The following GALNT11 variants were observed in gnomAD, a reference collection of about 807,000 sequenced individuals.
GALNT11 encodes the protein UDP-GalNAc:polypeptide N-acetylgalactosaminyltransferase 11.
A neutral mutation model predicts 72.7 loss-of-function variants in GALNT11; 47 were observed. The ratio of observed to expected loss-of-function variants is 0.65; its 90% CI spans 0.51 to 0.82. The LOEUF is 0.82. Ranked by LOEUF, GALNT11 falls within the 40% of genes least tolerant of loss-of-function variation. The pLI is 0.00. For synonymous variants in GALNT11, 270 were observed against 286.6 expected, an observed-to-expected ratio of 0.94 and a Z score of 0.58; for missense variants, 677 against 778.4, an observed-to-expected ratio of 0.87 and a Z score of 1.55.
intron 5 of GALNT11, among the ~76,000 whole-genome samples, chr7:152,107,014 C>T (rs2087634245): frequency 6.6e-6 from 1 of 152,190 alleles, no homozygotes; most frequent in East Asian, 1.9e-4. Flanking sequence ...AGGCTGTTTA[C>T]AGACACTGAG....
chr7:152,121,213 G>A (rs1035006455), intron 11 of GALNT11, among the ~76,000 whole-genome samples: 5 of 152,174 alleles, frequency 3.3e-5, no homozygotes, highest in Non-Finnish European at 5.9e-5. Context: ...GAAATGAAAC[G>A]GAACAGTTAG....
rs756371587 is a variant in GALNT11, at chr7:152,108,141, A to G, written c.816A>G (p.Pro272=). The change falls in exon 6 of 12, where the codon CCA becomes CCG. Residue 272 remains proline (P), a synonymous_variant. Transcript: ENST00000430044. ...AGGACCGGCACACCGTGGTGTGCCC[A>G]GTGATTGACATCATCAGCGCCGACA... The part of the protein sequence containing the change: ...IREDRHTVVC[P]VIDIISADTL... 6.8e-6 allele frequency: 11 copies of G among 1,614,148 alleles called. No individual in the cohort carries two copies. The highest frequency in any genetic ancestry group is 5.5e-5 in the South Asian group (5 of 91,070).
intron 7 of GALNT11, among the ~76,000 whole-genome samples, chr7:152,112,611 AT>A (rs1383764077): frequency 1.3e-5 from 2 of 151,886 alleles, no homozygotes; most frequent in Non-Finnish European, 2.9e-5. Context: ...GGCGTAATAG[AT>A]TTTATTATGC....
intron 1 of GALNT11, among the ~76,000 whole-genome samples, chr7:152,073,619 T>C (rs1486831335): frequency 6.6e-6 from 1 of 152,258 alleles, no homozygotes; most frequent in Non-Finnish European, 1.5e-5. Context: ...TGTAGATGTC[T>C]CTTCGATATA....
At chr7:152,038,319 C>T (rs555971040) in intron 1 of GALNT11, among the ~76,000 whole-genome samples, 5 of 152,158 alleles carry the variant, frequency 3.3e-5, no homozygotes, top group African/African-American at 1.2e-4. Flanking sequence ...TATAAGTATT[C>T]CTTATGGGAA....
chr7:152,108,369 T>C, intron 6 of GALNT11, 82 bp downstream of exon 6: 2 of 1,520,260 alleles, frequency 1.3e-6, no homozygotes, highest in Non-Finnish European at 1.8e-6. Context: ...TAATTCCTCC[T>C]TCTTTGTAAG....
chr7:152,110,220 G>C (rs1345336584), intron 6 of GALNT11, among the ~76,000 whole-genome samples: 2 of 152,118 alleles, frequency 1.3e-5, no homozygotes, highest in Non-Finnish European at 1.5e-5. Flanking sequence ...GATCCCCAAG[G>C]CTCTGTGAGA....
At chr7:152,085,046 A>G (rs1167736881) in intron 1 of GALNT11, among the ~76,000 whole-genome samples, 3 of 152,192 alleles carry the variant, frequency 2.0e-5, no homozygotes, top group East Asian at 3.8e-4. Flanking sequence ...TGGCCACACC[A>G]GGTCCTCTAA....
chr7:152,116,364 C>T (rs2088851035), intron 8 of GALNT11, among the ~76,000 whole-genome samples: 2 of 152,104 alleles, frequency 1.3e-5, no homozygotes, highest in Non-Finnish European at 2.9e-5. Context: ...GATTCTGCAG[C>T]CTCGGCCCCC....
chr7:152,109,051 A>G (rs2087892667), intron 6 of GALNT11, among the ~76,000 whole-genome samples: 1 of 152,230 alleles, frequency 6.6e-6, no homozygotes, highest in Non-Finnish European at 1.5e-5. Flanking sequence ...ATATTGTTAT[A>G]TAATTTAAAC....
At chr7:152,117,066 G>A in intron 8 of GALNT11, 91 bp from the exon 9 acceptor site, 2 of 1,076,282 alleles carry the variant, frequency 1.9e-6, no homozygotes, top group Non-Finnish European at 1.4e-6. Flanking sequence ...TGTTAGTAAT[G>A]GACTTAATCG....
At position 152,108,169 on chromosome 7, in the gene GALNT11, C is replaced by G. The variant is rs780864271; in HGVS notation, c.844C>G (p.Leu282Val). ...GATTGACATCATCAGCGCCGACACG[C>G]TGGCCTACAGCTCGTCCCCTGTCGT... Reference protein sequence around the residue: ...PVIDIISADTLAYSSSPVVRG... With the variant: ...PVIDIISADTVAYSSSPVVRG... The change falls in exon 6 of 12, where the codon CTG (leucine) becomes GTG (valine). Residue 282 changes from leucine to valine, a missense_variant. Leu to Val is a conservative substitution (Grantham distance 32). Coordinates refer to ENST00000430044, the MANE Select transcript of GALNT11 (RefSeq NM_022087.4). The G allele has an allele frequency of 6.2e-7, 1 of 1,614,186 alleles. No individual in the cohort carries two copies. The highest frequency in any genetic ancestry group is 8.5e-7 in the Non-Finnish European group (1 of 1,180,036).
intron 1 of GALNT11, among the ~76,000 whole-genome samples, chr7:152,069,898 C>T (rs1405925979): frequency 2.0e-5 from 3 of 152,146 alleles, no homozygotes; most frequent in South Asian, 2.1e-4. Context: ...AGACAATTCA[C>T]GTTAGAAGTG....
At position 152,094,862 on chromosome 7, in the gene GALNT11, G is replaced by A. The variant is rs1036073116; in HGVS notation, c.295+340G>A. Among the ~76,000 whole-genome samples, 9 of 152,244 alleles carry A rather than the reference G, an allele frequency of 5.9e-5. No homozygotes were observed. The highest frequency in any genetic ancestry group is 2.2e-4 in the African/African-American group (9 of 41,538). ...TCACCATATTGCCCAGGCTGTCCCC[G>A]AATTCTTGGGCTCAAGCTGCCCTCC... On this transcript the variant is annotated intron_variant, in intron 2 of 11. Coordinates refer to ENST00000430044, the MANE Select transcript of GALNT11 (RefSeq NM_022087.4). This position sits in a 1 kb window ranked among gnomAD's most constrained non-coding sequence, Gnocchi z 4.3.
At chr7:152,034,240 A>C (rs2082446138) in intron 1 of GALNT11, among the ~76,000 whole-genome samples, 1 of 152,186 alleles carries the variant, frequency 6.6e-6, no homozygotes, top group Non-Finnish European at 1.5e-5. Context: ...AGGATAGGAT[A>C]TGGGGGTAAG....
intron 1 of GALNT11, among the ~76,000 whole-genome samples, chr7:152,047,701 TGTGTGTGTG>T (rs1424444678): frequency 2.0e-5 from 3 of 151,966 alleles, no homozygotes; most frequent in Non-Finnish European, 4.4e-5. Context: ...TGTGTGTGTG[TGTGTGTGTG>T]CGCACACACA....
At chr7:152,029,802 C>A (rs1367342641) in intron 1 of GALNT11, among the ~76,000 whole-genome samples, 1 of 152,216 alleles carries the variant, frequency 6.6e-6, no homozygotes, top group East Asian at 1.9e-4. Context: ...GAAGGGAGTT[C>A]CTCCTAGATC....
chr7:152,107,924 G>A (rs2087761534), intron 5 of GALNT11, 114 bp from the exon 6 acceptor site: 1 of 1,275,658 alleles, frequency 7.8e-7, no homozygotes, highest in African/African-American at 1.5e-5. Context: ...TCTGGGGCTG[G>A]GAGGGTGGCA....
intron 1 of GALNT11, among the ~76,000 whole-genome samples, chr7:152,043,834 C>T (rs144999521): frequency 6.6e-6 from 1 of 152,330 alleles, no homozygotes; most frequent in African/African-American, 2.4e-5. Context: ...ATTATACTCT[C>T]CTTCCTCCTC....
Sources: gnomAD v4.1 joint callset for allele counts (sites outside exome capture counted in the v4.1 genomes callset) on GRCh38, gnomAD v4.1.1 for gene constraint, Gnocchi (gnomAD v3.1) non-coding constraint, MANE v1.5 for transcripts, NCBI Gene and HGNC (gene_info 2026-07-23, HGNC 2026-07-21) for gene names.